The following DCLK1 variants were observed in gnomAD, a reference collection of about 807,000 sequenced individuals.
DCLK1 encodes doublecortin like kinase 1, also known as serine/threonine-protein kinase DCLK1.
In DCLK1, 16 loss-of-function variants were observed where a neutral mutation model predicts 86.2. The ratio of observed to expected loss-of-function variants is 0.19; its 90% CI spans 0.13 to 0.28. The LOEUF is 0.28. Ranked by LOEUF, DCLK1 falls within the 10% of genes least tolerant of loss-of-function variation. DCLK1 has a pLI of 1.00. For synonymous variants in DCLK1, 369 were observed against 370.5 expected, an observed-to-expected ratio of 1.00 and a Z score of 0.05; for missense variants, 590 against 940.2, an observed-to-expected ratio of 0.63 and a Z score of 4.87.
In DCLK1 at chr13:36,080,364, G is replaced by A. The variant is rs563285851; in HGVS notation, c.723+31505C>T. On this transcript the variant is annotated intron_variant, in intron 3 of 16. Transcript: ENST00000360631. ...AGAGAAAAGCAAGCTGGAAATACCT[G>A]TGAAATCAAAACATCAAAATATAGG... Among the ~76,000 whole-genome samples the A allele has an allele frequency of 4.5e-4, 68 of 152,276 alleles. No individual in the cohort carries two copies. The South Asian group carries it at 4.6e-3, about 10-fold the overall frequency.
intron 4 of DCLK1, among the ~76,000 whole-genome samples, chr13:35,937,904 T>C (rs1876851915): frequency 6.6e-6 from 1 of 152,080 alleles, no homozygotes; most frequent in African/African-American, 2.4e-5. Flanking sequence ...ATGACAGAGA[T>C]GACTGGAGGC....
intron 4 of DCLK1, among the ~76,000 whole-genome samples, chr13:35,911,522 G>C (rs548777250): frequency 1.3e-5 from 2 of 152,170 alleles, no homozygotes; most frequent in African/African-American, 4.8e-5. Context: ...AGACATGTGG[G>C]GCCACATCAC....
chr13:36,058,586 A>G (rs1387316653), intron 3 of DCLK1, among the ~76,000 whole-genome samples: 3 of 152,204 alleles, frequency 2.0e-5, no homozygotes, highest in Admixed American at 6.5e-5. Context: ...AGAAACATCT[A>G]AAATGGGATT....
In DCLK1 at chr13:36,111,792, A is replaced by G. The variant is rs149028795; in HGVS notation, c.723+77T>C. The G allele has an allele frequency of 2.3e-3, 3,019 of 1,338,106 alleles. 22 individuals are homozygous for G. The Middle Eastern group carries it at 0.026, about 12-fold the overall frequency. The allele number at this position is 1,338,106 out of a possible 1,614,324, so 82.9% of individuals were successfully genotyped here. A position where few individuals can be genotyped will look rare whatever the true frequency, so the allele number is the denominator to read the frequency against. Reference sequence around the variant, plus strand: ...CCCTTTAACAACTTGAGCAAAATGTATGCTTTAGCCACGTACACCCTCCGA... The same window carrying G: ...CCCTTTAACAACTTGAGCAAAATGTGTGCTTTAGCCACGTACACCCTCCGA... On this transcript the variant is annotated intron_variant, in intron 3 of 16. Coordinates refer to ENST00000360631, the MANE Select transcript of DCLK1 (RefSeq NM_001330071.2).
intron 1 of DCLK1, among the ~76,000 whole-genome samples, chr13:36,126,401 G>C (rs1257216537): frequency 6.6e-6 from 1 of 151,874 alleles, no homozygotes; most frequent in African/African-American, 2.4e-5. Context: ...CACCACGCCT[G>C]GTTAATTTCC....
chr13:35,871,483 T>C, intron 4 of DCLK1, 143 bp from the exon 5 acceptor site: 1 of 712,424 alleles, frequency 1.4e-6, no homozygotes, highest in East Asian at 2.5e-5. Context: ...CTTGTCTATG[T>C]CAATGAAACC....
rs2086369056 is a variant in DCLK1, at chr13:35,773,479, C to T, written c.*1056G>A. 6.6e-6 allele frequency: 1 copy of T among 151,814 alleles called. No individual in the cohort carries two copies. The highest frequency in any genetic ancestry group is 6.6e-5 in the Admixed American group (1 of 15,140). 9.4% of individuals were successfully genotyped at this position (151,814 alleles called of 1,614,324 possible). Reference sequence around the variant, plus strand: ...GATTGTGTTCCCAGTGTGCTTTCTCCTCAGCCATCTTGCAAAGCAACTGCC... The same window carrying T: ...GATTGTGTTCCCAGTGTGCTTTCTCTTCAGCCATCTTGCAAAGCAACTGCC... On this transcript the variant is annotated 3_prime_UTR_variant, in exon 17 of 17. Transcript: ENST00000360631.
chr13:35,981,752 T>C (rs1034660260), intron 3 of DCLK1, among the ~76,000 whole-genome samples: 1 of 152,242 alleles, frequency 6.6e-6, no homozygotes, highest in Non-Finnish European at 1.5e-5. Flanking sequence ...GCCATGAACA[T>C]GGGTATACAA....
chr13:35,855,848 A>C (rs1435254136), intron 5 of DCLK1: 25 of 1,171,534 alleles, frequency 2.1e-5, no homozygotes, highest in South Asian at 4.2e-5. Flanking sequence ...CTTTGCACTG[A>C]ATCATAATGA....
chr13:36,099,252 G>A (rs747942000), intron 3 of DCLK1, among the ~76,000 whole-genome samples: 4 of 152,198 alleles, frequency 2.6e-5, no homozygotes, highest in Non-Finnish European at 5.9e-5. Context: ...ACAGGCATGA[G>A]CCACCGCGCC....
rs373107227 is a variant in DCLK1, at chr13:36,125,992, G to A, written c.146C>T (p.Thr49Met). The change falls in exon 2 of 17, where the codon ACG becomes ATG. Residue 49 changes from threonine to methionine, a missense_variant. Thr to Met is a moderately conservative substitution (Grantham distance 81). Coordinates refer to ENST00000360631, the MANE Select transcript of DCLK1 (RefSeq NM_001330071.2). Reference sequence around the variant, plus strand: ...CTTGGCCTTCTTCTCGGAGCTGAGCGTCTGCAGCGTGCGGGTGCGGTAGAA... The same window carrying A: ...CTTGGCCTTCTTCTCGGAGCTGAGCATCTGCAGCGTGCGGGTGCGGTAGAA... ...CSFYRTRTLQTLSSEKKAKKV... is the reference protein window; with the variant it reads ...CSFYRTRTLQMLSSEKKAKKV... 10 of 1,614,036 alleles carry A rather than the reference G, an allele frequency of 6.2e-6. No homozygotes were observed. In the African/African-American group the frequency reaches 1.1e-4, roughly 17 times the overall value.
intron 4 of DCLK1, among the ~76,000 whole-genome samples, chr13:35,907,316 C>T (rs369433710): frequency 8.1e-4 from 124 of 152,216 alleles, no homozygotes; most frequent in African/African-American, 2.8e-3. Context: ...GTGTGCTCTG[C>T]CACACCTGGC....
intron 2 of DCLK1, among the ~76,000 whole-genome samples, chr13:36,125,354 T>A (rs542219582): frequency 6.6e-6 from 1 of 152,328 alleles, no homozygotes; most frequent in Non-Finnish European, 1.5e-5. Context: ...AAGGTTCCTT[T>A]CAACTCTAAA....
At chr13:35,787,480 A>G (rs188774449) in intron 16 of DCLK1, among the ~76,000 whole-genome samples, 334 of 152,284 alleles carry the variant, frequency 2.2e-3, no homozygotes, top group Non-Finnish European at 2.4e-3. Context: ...ACTGGAATAG[A>G]AAACGATTGG....
At chr13:35,845,118 C>T (rs1870082671) in intron 6 of DCLK1, among the ~76,000 whole-genome samples, 1 of 152,066 alleles carries the variant, frequency 6.6e-6, no homozygotes, top group Non-Finnish European at 1.5e-5. Context: ...TGAGGTGGTA[C>T]ACACCTGTAA....
At chr13:35,814,918 C>T (rs1296646347) in intron 11 of DCLK1, among the ~76,000 whole-genome samples, 1 of 152,138 alleles carries the variant, frequency 6.6e-6, no homozygotes, top group Non-Finnish European at 1.5e-5. Flanking sequence ...TTGCAGATGG[C>T]TACAGTCGGA....
At position 35,932,439 on chromosome 13, in the gene DCLK1, T is replaced by G. The variant is rs534394848; in HGVS notation, c.823+14919A>C. ...ATTTCTGTGTGTGTATGTGTATTAGTCCATGTTCACACTGTTGATAAAGAT... is the reference window on the plus strand; with the variant it reads ...ATTTCTGTGTGTGTATGTGTATTAGGCCATGTTCACACTGTTGATAAAGAT... On this transcript the variant is annotated intron_variant, in intron 4 of 16. Transcript: ENST00000360631. 6.6e-5 allele frequency among the ~76,000 whole-genome samples: 10 copies of G among 152,298 alleles called. No individual in the cohort carries two copies. The South Asian group carries it at 2.1e-3, about 32-fold the overall frequency.
chr13:36,003,302 T>G (rs982139531), intron 3 of DCLK1, among the ~76,000 whole-genome samples: 1 of 128,428 alleles, frequency 7.8e-6, no homozygotes, highest in Admixed American at 8.4e-5. Context: ...AACTAGTGCA[T>G]GCGTGTGTGT....
chr13:35,949,841 G>A (rs1201512880), intron 3 of DCLK1, among the ~76,000 whole-genome samples: 1 of 21,108 alleles, frequency 4.7e-5, no homozygotes, highest in African/African-American at 1.8e-4. Flanking sequence ...TTTTTTTTTT[G>A]GCAAGCGGGA....
Sources: allele counts gnomAD v4.1 joint callset (sites outside exome capture counted in the v4.1 genomes callset), GRCh38; gene constraint gnomAD v4.1.1; transcripts MANE v1.5; gene names NCBI Gene and HGNC (gene_info 2026-07-23, HGNC 2026-07-21).